The following FHIT variants were observed in gnomAD, a reference collection of about 807,000 sequenced individuals.
The protein encoded by FHIT is bis(5'-adenosyl)-triphosphatase.
In FHIT, 19 loss-of-function variants were observed where a neutral mutation model predicts 17.9. The observed-to-expected ratio is 1.06, with a 90% CI of 0.74 to 1.56. FHIT has a LOEUF of 1.56. Among genes scored for constraint, FHIT ranks in the 40% most tolerant of loss-of-function variants. FHIT has a pLI of 0.00. For synonymous variants in FHIT, 81 were observed against 69.7 expected (o/e 1.16, Z -0.81); for missense variants, 248 against 189.2 (o/e 1.31, Z -1.82).
At chr3:61,250,687 C>T (rs2040600737) in intron 1 of FHIT, among the ~76,000 whole-genome samples, 1 of 151,836 alleles carries the variant, frequency 6.6e-6, no homozygotes, top group African/African-American at 2.4e-5. Context: ...TTTAAAATTC[C>T]CCCCTTTGAC....
chr3:60,161,684 G>GA (rs113116446), intron 5 of FHIT, among the ~76,000 whole-genome samples: 109 of 150,530 alleles, frequency 7.2e-4, no homozygotes, highest in East Asian at 4.5e-3. Flanking sequence ...GCATTTGGGG[G>GA]AAAAAAAAAC....
chr3:60,459,561 A>G (rs1038883616), intron 5 of FHIT, among the ~76,000 whole-genome samples: 3 of 152,206 alleles, frequency 2.0e-5, no homozygotes, highest in Admixed American at 1.3e-4. Context: ...TTGAAACCAC[A>G]ATAAGCTGCC....
At chr3:61,203,268 G>C (rs980345259) in intron 1 of FHIT, among the ~76,000 whole-genome samples, 1 of 150,720 alleles carries the variant, frequency 6.6e-6, no homozygotes, top group African/African-American at 2.4e-5. Context: ...AGAATAGCTT[G>C]AACCCAGGAG....
At chr3:60,969,635 C>T (rs189409018) in intron 3 of FHIT, among the ~76,000 whole-genome samples, 38 of 152,202 alleles carry the variant, frequency 2.5e-4, no homozygotes, top group South Asian at 1.2e-3. Context: ...TATTGGAATT[C>T]TATCATTATC....
chr3:60,875,716 TATG>T (rs1704617766), intron 3 of FHIT, among the ~76,000 whole-genome samples: 1 of 151,918 alleles, frequency 6.6e-6, no homozygotes, highest in Non-Finnish European at 1.5e-5. Context: ...ATTTTTTTCA[TATG>T]ATTTTCATAA....
At chr3:60,278,262 G>A (rs1217723718) in intron 5 of FHIT, among the ~76,000 whole-genome samples, 1 of 152,148 alleles carries the variant, frequency 6.6e-6, no homozygotes, top group Non-Finnish European at 1.5e-5. Flanking sequence ...AAGAGAAAAA[G>A]TAACCATTTT....
chr3:60,243,092 C>T (rs1196603714), intron 5 of FHIT, among the ~76,000 whole-genome samples: 1 of 151,670 alleles, frequency 6.6e-6, no homozygotes, highest in African/African-American at 2.4e-5. Flanking sequence ...AGATTTGGGC[C>T]ACTCATATTT....
intron 4 of FHIT, among the ~76,000 whole-genome samples, chr3:60,820,988 G>T (rs9870497): frequency 0.6 from 79,808 of 132,626 alleles, 21,913 homozygotes; most frequent in East Asian, 0.86. Context: ...TTATTATGGG[G>T]TTTTTTTGGC....
chr3:60,593,497 C>T (rs950674998), intron 4 of FHIT, among the ~76,000 whole-genome samples: 11 of 152,092 alleles, frequency 7.2e-5, no homozygotes, highest in African/African-American at 2.7e-4. Context: ...TCACCCCCTG[C>T]CCCTGGGTTC....
At chr3:59,788,881 G>GTTTTTTTTTTTTTTTTT (rs60361063) in intron 8 of FHIT, among the ~76,000 whole-genome samples, 3,955 of 86,762 alleles carry the variant, frequency 0.046, 1,101 homozygotes, top group African/African-American at 0.12. Context: ...GAGTTCATAT[G>GTTTTTTTTTTTTTTTTT]TTTTTTTTTT....
At chr3:59,783,306 T>C (rs964821213) in intron 8 of FHIT, among the ~76,000 whole-genome samples, 8 of 152,060 alleles carry the variant, frequency 5.3e-5, no homozygotes, top group African/African-American at 4.8e-5. Flanking sequence ...CCTTCTCTGC[T>C]AAAAATACAA....
intron 3 of FHIT, among the ~76,000 whole-genome samples, chr3:60,933,352 T>C (rs574839253): frequency 6.6e-6 from 1 of 152,368 alleles, no homozygotes; most frequent in South Asian, 2.1e-4. Flanking sequence ...TGATATATTT[T>C]AGTCCAACAT....
intron 8 of FHIT, among the ~76,000 whole-genome samples, chr3:59,785,566 A>G (rs1045863871): frequency 3.9e-5 from 6 of 152,028 alleles, no homozygotes; most frequent in African/African-American, 1.4e-4. Context: ...TGATCCGCCC[A>G]CCTTGGCCTC....
rs2106763500 is a variant in FHIT at position 60,820,574 on chromosome 3, C to A, written c.-18+1345G>T. On this transcript the variant is annotated intron_variant, in intron 4 of 9. Coordinates refer to ENST00000492590, the MANE Select transcript of FHIT (RefSeq NM_002012.4). ...GCAGCAATGTCTCACAGTTCTACAACTCTAGGGGCAATCCTGCCCAACTTT... is the reference window on the plus strand; with the variant it reads ...GCAGCAATGTCTCACAGTTCTACAAATCTAGGGGCAATCCTGCCCAACTTT... Among the ~76,000 whole-genome samples, 2 of 152,302 alleles carry A rather than the reference C, an allele frequency of 1.3e-5. 1 individual carries two copies. Among genetic ancestry groups the A allele is most frequent in the African/African-American group, 4.8e-5 (2 of 41,558 alleles).
chr3:60,461,806 G>T (rs2032486307), intron 5 of FHIT, among the ~76,000 whole-genome samples: 1 of 152,090 alleles, frequency 6.6e-6, no homozygotes, highest in Non-Finnish European at 1.5e-5. Context: ...TCCCAAACAA[G>T]CCATGCTCTT....
chr3:59,912,639 T>C (rs1028680879), intron 8 of FHIT, among the ~76,000 whole-genome samples: 3 of 152,230 alleles, frequency 2.0e-5, no homozygotes, highest in Admixed American at 6.5e-5. Context: ...AACTGTGCAA[T>C]GTTCTTTCAA....
chr3:60,511,618 AT>A (rs2034953916), intron 5 of FHIT, among the ~76,000 whole-genome samples: 3 of 152,274 alleles, frequency 2.0e-5, no homozygotes, highest in African/African-American at 7.2e-5. Context: ...TCAATCCATG[AT>A]TTAAAATATA....
intron 2 of FHIT, among the ~76,000 whole-genome samples, chr3:61,064,100 A>G (rs2034522640): frequency 6.6e-6 from 1 of 152,182 alleles, no homozygotes; most frequent in Non-Finnish European, 1.5e-5. Flanking sequence ...CAGCCAGTGA[A>G]GGTAACTGAA....
chr3:61,153,088 A>G (rs1407946578), intron 2 of FHIT, among the ~76,000 whole-genome samples: 1 of 150,258 alleles, frequency 6.7e-6, no homozygotes, highest in Non-Finnish European at 1.5e-5. Context: ...GGCTGCAGTG[A>G]GCCAAGATCA....
Sources: allele counts gnomAD v4.1 joint callset (sites outside exome capture counted in the v4.1 genomes callset), GRCh38; gene constraint gnomAD v4.1.1; transcripts MANE v1.5; gene names NCBI Gene and HGNC (gene_info 2026-07-23, HGNC 2026-07-21).